SMARCA2: variants seen among roughly 807,000 people sequenced by gnomAD.
SMARCA2 encodes the protein SWI/SNF related BAF chromatin remodeling complex subunit ATPase 2.
In SMARCA2, 61 loss-of-function variants were observed where a neutral mutation model predicts 199.8. That is an observed-to-expected ratio of 0.31 (90% CI 0.25 to 0.38). The LOEUF (loss-of-function observed/expected upper bound fraction) is 0.38. Among genes scored for constraint, SMARCA2 ranks in the 10% least tolerant of loss-of-function variants. SMARCA2 has a pLI of 1.00. For synonymous variants in SMARCA2, 935 were observed against 732.0 expected (o/e 1.28, Z -4.48); for missense variants, 1,344 against 2,012.2 (o/e 0.67, Z 6.35).
In SMARCA2 at chr9:2,041,365, A is replaced by G. The variant is rs1819596211; in HGVS notation, c.790+1465A>G. 12 of 398,662 alleles carry G rather than the reference A, an allele frequency of 3.0e-5. No homozygotes were observed. The East Asian group carries it at 4.3e-4, about 14-fold the overall frequency. The allele number at this position is 398,662 out of a possible 1,614,324, so 24.7% of individuals were successfully genotyped here. On this transcript the variant is annotated intron_variant, in intron 4 of 33. Transcript: ENST00000349721. ...CTGGGAATTCCAACCTCAAAACACCAGCAGATTCAGTGTCTGGTGAGGGCC... is the reference window on the plus strand; with the variant it reads ...CTGGGAATTCCAACCTCAAAACACCGGCAGATTCAGTGTCTGGTGAGGGCC...
intron 8 of SMARCA2, among the ~76,000 whole-genome samples, chr9:2,060,303 G>T (rs1282004598): frequency 6.6e-6 from 1 of 152,056 alleles, no homozygotes; most frequent in East Asian, 1.9e-4. Context: ...AGGATATTAT[G>T]TCTGGAATTT....
rs115427367 is a variant in SMARCA2, at chr9:2,038,427, C to T, written c.356-1039C>T. ...CAGAACCACTGTCTTGGTTCACTTC[C>T]GTCTACTGACACCTACCTTTCCCAC... On this transcript the variant is annotated intron_variant, in intron 3 of 33. Coordinates refer to ENST00000349721, the MANE Select transcript of SMARCA2 (RefSeq NM_003070.5). Among the ~76,000 whole-genome samples, 1,174 of 152,254 alleles carry T rather than the reference C, an allele frequency of 7.7e-3. 20 individuals are homozygous for T. The highest frequency in any genetic ancestry group is 0.026 in the African/African-American group (1,086 of 41,542).
chr9:2,059,039 G>A (rs1820473030), intron 8 of SMARCA2, among the ~76,000 whole-genome samples: 1 of 152,126 alleles, frequency 6.6e-6, no homozygotes, highest in Non-Finnish European at 1.5e-5. Context: ...TATTACATTT[G>A]CACTGTTATT....
At position 2,141,650 on chromosome 9, in the gene SMARCA2, T is replaced by G. The variant is rs530545019; in HGVS notation, c.3981+17713T>G. ...GCAAACTGAGAACAAAGATCTTCAT[T>G]TTGCCCCATTTCTCTGGCCTATTTT... On this transcript the variant is annotated intron_variant, in intron 27 of 33. Transcript: ENST00000349721. Among the ~76,000 whole-genome samples, 28 of 152,202 alleles carry G rather than the reference T, an allele frequency of 1.8e-4. No homozygotes were observed. In the Middle Eastern group the frequency reaches 0.014, roughly 74 times the overall value.
At chr9:2,129,513 T>C (rs1823846770) in intron 27 of SMARCA2, among the ~76,000 whole-genome samples, 1 of 152,172 alleles carries the variant, frequency 6.6e-6, no homozygotes, top group African/African-American at 2.4e-5. Flanking sequence ...TCAGCGTCCA[T>C]CAGTCCTCCA....
At chr9:2,105,584 A>T (rs992482752) in intron 23 of SMARCA2, among the ~76,000 whole-genome samples, 1 of 152,154 alleles carries the variant, frequency 6.6e-6, no homozygotes, top group African/African-American at 2.4e-5. Flanking sequence ...AAATTACGTA[A>T]TGAATGAATG....
chr9:2,168,864 G>A (rs1357573803), intron 28 of SMARCA2, among the ~76,000 whole-genome samples: 1 of 152,148 alleles, frequency 6.6e-6, no homozygotes, highest in Non-Finnish European at 1.5e-5. Flanking sequence ...AGAACCCACT[G>A]AGTTGTAATC....
intron 5 of SMARCA2, 47 bp downstream of exon 5, chr9:2,047,531 T>G: frequency 7.9e-7 from 1 of 1,271,002 alleles, no homozygotes; most frequent in Non-Finnish European, 1.0e-6. Flanking sequence ...TGCTAGCACC[T>G]GCCGCCCAAG....
chr9:2,039,865 A>C lies in SMARCA2; in HGVS notation c.755A>C (p.Gln252Pro). Reference sequence around the variant, plus strand: ...CCGCAACCACAGACGCAGCAACAACAGCAGCCGGCCCTTGTTAACTACAAC... The same window carrying C: ...CCGCAACCACAGACGCAGCAACAACCGCAGCCGGCCCTTGTTAACTACAAC... ...QPPQPQTQQQ[Q>P]QPALVNYNRP... is the part of the protein sequence containing the mutation. The change falls in exon 4 of 34, where the codon CAG becomes CCG. Residue 252 changes from glutamine to proline, a missense_variant. This residue lies in a region of SMARCA2 where 117 missense variants were observed against 99.1 expected (regional missense o/e 1.18). Transcript: ENST00000349721. The surrounding 1 kb of genome is among the most constrained non-coding windows in gnomAD (Gnocchi z 4.8). 1.2e-6 allele frequency: 2 copies of C among 1,613,994 alleles called. No individual in the cohort carries two copies. The highest frequency in any genetic ancestry group is 1.7e-6 in the Non-Finnish European group (2 of 1,179,990).
At chr9:2,112,463 C>G (rs1320374866) in intron 24 of SMARCA2, among the ~76,000 whole-genome samples, 4 of 152,044 alleles carry the variant, frequency 2.6e-5, no homozygotes, top group Non-Finnish European at 5.9e-5. Context: ...TGATGTTCCA[C>G]CCCACCCCGC....
intron 1 of SMARCA2, among the ~76,000 whole-genome samples, chr9:2,024,883 C>T (rs185748553): frequency 1.5e-3 from 227 of 152,318 alleles, no homozygotes; most frequent in African/African-American, 5.3e-3. Context: ...AATGTCTCTT[C>T]AAATCACCAG....
chr9:2,022,754 T>C (rs1241143157), intron 1 of SMARCA2, among the ~76,000 whole-genome samples: 2 of 152,248 alleles, frequency 1.3e-5, no homozygotes, highest in African/African-American at 2.4e-5. Flanking sequence ...ATGAGGTTGC[T>C]TTGCAAAAGG....
At chr9:2,044,658 G>C (rs1413087940) in intron 4 of SMARCA2, 1 of 152,214 alleles carries the variant, frequency 6.6e-6, no homozygotes, top group African/African-American at 2.4e-5. Context: ...CTGAGCCACA[G>C]ATTGGTTGAG....
chr9:2,192,605 T>C, intron 33 of SMARCA2, 99 bp from the exon 34 acceptor site: 1 of 853,640 alleles, frequency 1.2e-6, no homozygotes, highest in Non-Finnish European at 2.0e-6. Flanking sequence ...GTTTCCAAAA[T>C]GTCATTTTTT....
Position 2,170,283 on chromosome 9 carries a change from C to G in SMARCA2, c.4200-136C>G. 9.7e-7 allele frequency: 1 copy of G among 1,028,554 alleles called. No individual in the cohort carries two copies. Among genetic ancestry groups the G allele is most frequent in the South Asian group, 1.7e-5 (1 of 59,422 alleles). 63.7% of individuals were successfully genotyped at this position (1,028,554 alleles called of 1,614,324 possible). ...TCCGAATGAGGTTCCAAACATAACC[C>G]CGTGTAATCTTCCTAACAAGGCAGG... On this transcript the variant is annotated intron_variant, in intron 28 of 33. Coordinates refer to ENST00000349721, the MANE Select transcript of SMARCA2 (RefSeq NM_003070.5). The surrounding 1 kb of genome is among the most constrained non-coding windows in gnomAD (Gnocchi z 4.7).
At chr9:2,175,028 A>AAGAC (rs1826479073) in intron 29 of SMARCA2, among the ~76,000 whole-genome samples, 1 of 151,850 alleles carries the variant, frequency 6.6e-6, no homozygotes, top group African/African-American at 2.4e-5. Context: ...TACATTTTGA[A>AAGAC]AGACAGGGAC....
Position 2,039,941 on chromosome 9 carries a change from A to C in SMARCA2, c.790+41A>C. 1 of 1,603,080 alleles carries C rather than the reference A, an allele frequency of 6.2e-7. No homozygotes were observed. The highest frequency in any genetic ancestry group is 8.5e-7 in the Non-Finnish European group (1 of 1,174,750). ...ACCAAATGAATAATGCCATGGTCCA[A>C]CTCGGATAACAAAGACTGCTCACCA... On this transcript the variant is annotated intron_variant, in intron 4 of 33. Coordinates refer to ENST00000349721, the MANE Select transcript of SMARCA2 (RefSeq NM_003070.5). The surrounding 1 kb of genome is among the most constrained non-coding windows in gnomAD (Gnocchi z 4.8).
At chr9:2,062,133 A>T (rs981697068) in intron 9 of SMARCA2, among the ~76,000 whole-genome samples, 23 of 152,348 alleles carry the variant, frequency 1.5e-4, no homozygotes, top group Admixed American at 9.8e-4. Flanking sequence ...GAAATAAATC[A>T]TATAAATGTA....
chr9:2,116,274 C>A (rs1287088073), intron 25 of SMARCA2, among the ~76,000 whole-genome samples: 1 of 152,202 alleles, frequency 6.6e-6, no homozygotes, highest in Non-Finnish European at 1.5e-5. Context: ...CCTGTGGGTG[C>A]TCCCTCCTTT....
Sources: allele counts gnomAD v4.1 joint callset (sites outside exome capture counted in the v4.1 genomes callset), GRCh38; gene constraint gnomAD v4.1.1; regional missense constraint gnomAD v4.1.1; non-coding constraint Gnocchi (gnomAD v3.1); transcripts MANE v1.5; gene names NCBI Gene and HGNC (gene_info 2026-07-23, HGNC 2026-07-21).